The following GALNT13 variants were observed in gnomAD, a reference collection of about 807,000 sequenced individuals.
The protein encoded by GALNT13 is UDP-GalNAc:polypeptide N-acetylgalactosaminyltransferase 13.
A neutral mutation model predicts 64.2 loss-of-function variants in GALNT13; 28 were observed. The observed-to-expected ratio is 0.44, with a 90% CI of 0.32 to 0.60. The LOEUF (loss-of-function observed/expected upper bound fraction) is 0.60. GALNT13 is among the 20% of genes least tolerant of loss of function. The pLI is 0.05. For synonymous variants in GALNT13, 214 were observed against 224.6 expected, an observed-to-expected ratio of 0.95 and a Z score of 0.42; for missense variants, 577 against 669.8, an observed-to-expected ratio of 0.86 and a Z score of 1.53.
At chr2:153,440,721 A>C in the GALNT13 span, among the ~76,000 whole-genome samples, 3 of 152,112 alleles carry the variant, frequency 2.0e-5, no homozygotes, top group South Asian at 6.2e-4. Context: ...GCTTTTTTTC[A>C]TATGTCTGTT....
chr2:154,270,360 G>A (rs764739259), intron 8 of GALNT13, among the ~76,000 whole-genome samples: 1 of 151,838 alleles, frequency 6.6e-6, no homozygotes, highest in African/African-American at 2.4e-5. Flanking sequence ...CTAAAACTTG[G>A]TATTAATCTC....
chr2:153,104,169 T>G, the GALNT13 span, among the ~76,000 whole-genome samples: 1 of 152,190 alleles, frequency 6.6e-6, no homozygotes, highest in South Asian at 2.1e-4. Context: ...TTGAGTTATA[T>G]GCTTTTTACA....
At chr2:153,957,388 T>C (rs1558874134) in intron 3 of GALNT13, among the ~76,000 whole-genome samples, 1 of 152,168 alleles carries the variant, frequency 6.6e-6, no homozygotes, top group Non-Finnish European at 1.5e-5. Context: ...GTGGAGTCAC[T>C]GAAGAAAAAT....
the GALNT13 span, among the ~76,000 whole-genome samples, chr2:153,117,420 C>T: frequency 1.3e-5 from 2 of 152,022 alleles, no homozygotes; most frequent in African/African-American, 4.8e-5. Context: ...GTATGTGGAT[C>T]CTCATAAAGT....
chr2:153,718,724 G>A, the GALNT13 span, among the ~76,000 whole-genome samples: 2 of 152,228 alleles, frequency 1.3e-5, no homozygotes, highest in East Asian at 3.9e-4. Context: ...AGAGAATAAT[G>A]CTGTGAACTC....
intron 3 of GALNT13, among the ~76,000 whole-genome samples, chr2:154,077,263 T>C (rs528448417): frequency 6.6e-6 from 1 of 151,650 alleles, no homozygotes; most frequent in African/African-American, 2.4e-5. Flanking sequence ...GGAGTTTTGA[T>C]TTGCAAGTTT....
chr2:154,446,088 T>C (rs1701556665), intron 12 of GALNT13, among the ~76,000 whole-genome samples: 1 of 152,036 alleles, frequency 6.6e-6, no homozygotes. Flanking sequence ...GGGAGCAATT[T>C]GAGTACCATA....
chr2:154,081,161 GAC>G, intron 3 of GALNT13, among the ~76,000 whole-genome samples: 1 of 151,590 alleles, frequency 6.6e-6, no homozygotes, highest in Non-Finnish European at 1.5e-5. Context: ...GAAGCCTGTA[GAC>G]CATACTCTAT....
chr2:153,792,080 G>T, the GALNT13 span, among the ~76,000 whole-genome samples: 1 of 151,378 alleles, frequency 6.6e-6, no homozygotes, highest in Admixed American at 6.6e-5. Flanking sequence ...TTAAAACATG[G>T]AAAAAAAATA....
intron 4 of GALNT13, among the ~76,000 whole-genome samples, chr2:154,169,165 C>A (rs1402423543): frequency 2.6e-5 from 4 of 152,120 alleles, no homozygotes; most frequent in African/African-American, 9.7e-5. Flanking sequence ...TCCCCATGAC[C>A]CAAACATCTC....
the GALNT13 span, among the ~76,000 whole-genome samples, chr2:153,599,767 T>C: frequency 6.6e-6 from 1 of 152,006 alleles, no homozygotes; most frequent in Non-Finnish European, 1.5e-5. Context: ...GATTCTGTTG[T>C]TTTTAGTTCC....
the GALNT13 span, among the ~76,000 whole-genome samples, chr2:153,393,377 G>T: frequency 2.6e-5 from 4 of 151,584 alleles, no homozygotes; most frequent in Admixed American, 6.6e-5. Context: ...AATATTTCTG[G>T]CTCTCTGCCT....
intron 3 of GALNT13, among the ~76,000 whole-genome samples, chr2:153,968,982 A>T (rs1041134273): frequency 2.2e-4 from 33 of 152,048 alleles, no homozygotes; most frequent in African/African-American, 8.0e-4. Flanking sequence ...TTCACATTGA[A>T]TAATTTGATC....
At chr2:153,534,518 CTTTCTTTCTTTT>C in the GALNT13 span, among the ~76,000 whole-genome samples, 2 of 123,776 alleles carry the variant, frequency 1.6e-5, no homozygotes, top group African/African-American at 7.1e-5. Context: ...GCCCCTCTTT[CTTTCTTTCTTTT>C]TTTTTTTTTT....
chr2:153,407,149 A>G, the GALNT13 span, among the ~76,000 whole-genome samples: 2 of 152,310 alleles, frequency 1.3e-5, no homozygotes, highest in Admixed American at 6.5e-5. Flanking sequence ...AACTTGCAGT[A>G]TCAACATCAC....
At chr2:153,420,165 G>A in the GALNT13 span, among the ~76,000 whole-genome samples, 186 of 152,178 alleles carry the variant, frequency 1.2e-3, no homozygotes, top group African/African-American at 4.3e-3. Context: ...GTACATATAA[G>A]GACTGTAAAG....
chr2:153,675,584 A>G, the GALNT13 span, among the ~76,000 whole-genome samples: 2 of 152,094 alleles, frequency 1.3e-5, no homozygotes, highest in Non-Finnish European at 2.9e-5. Flanking sequence ...TAGGAGAAAT[A>G]CCTAATGTAA....
chr2:154,066,418 C>T (rs527360766), intron 3 of GALNT13, among the ~76,000 whole-genome samples: 41 of 152,002 alleles, frequency 2.7e-4, no homozygotes, highest in African/African-American at 9.6e-4. Flanking sequence ...AAAAAGACTA[C>T]CTCAAGACAT....
the GALNT13 span, among the ~76,000 whole-genome samples, chr2:153,595,543 A>C: frequency 4.6e-5 from 7 of 152,036 alleles, no homozygotes; most frequent in Non-Finnish European, 8.8e-5. Context: ...AAAGCCATTA[A>C]ATTCTAATTA....
Sources: allele counts gnomAD v4.1 joint callset (sites outside exome capture counted in the v4.1 genomes callset), GRCh38; gene constraint gnomAD v4.1.1; transcripts MANE v1.5; gene names NCBI Gene and HGNC (gene_info 2026-07-23, HGNC 2026-07-21).